ABCC9: variants seen among roughly 807,000 people sequenced by gnomAD.
ABCC9 encodes ATP-binding cassette sub-family C member 9.
In ABCC9, 95 loss-of-function variants were observed where a neutral mutation model predicts 188.3. The ratio of observed to expected loss-of-function variants is 0.50; its 90% CI spans 0.43 to 0.60. The LOEUF (loss-of-function observed/expected upper bound fraction) is 0.60, where lower values mean the gene tolerates loss of function less well. Ranked by LOEUF, ABCC9 falls within the 20% of genes least tolerant of loss-of-function variation. ABCC9 has a pLI of 0.00. For missense variants in ABCC9, 1,102 were observed against 1,876.3 expected (o/e 0.59, Z 7.62); for synonymous variants, 659 against 652.7 (o/e 1.01, Z -0.15).
chr12:21,913,269 A>G (rs188528761), intron 7 of ABCC9, among the ~76,000 whole-genome samples: 3 of 152,310 alleles, frequency 2.0e-5, no homozygotes, highest in South Asian at 2.1e-4. Flanking sequence ...TACTGAATGC[A>G]TTTTAATAAA....
In ABCC9 at chr12:21,895,302, T is replaced by C; in HGVS notation, c.1632A>G (p.Ala544=). 1.2e-6 allele frequency: 2 copies of C among 1,613,810 alleles called. No individual in the cohort carries two copies. The highest frequency in any genetic ancestry group is 1.7e-6 in the Non-Finnish European group (2 of 1,179,724). ...CAAGAACAGCTGCTATGGGAATTGCTGCATTCATGAAGACTGTGGAAAGAA... is the reference window on the plus strand; with the variant it reads ...CAAGAACAGCTGCTATGGGAATTGCCGCATTCATGAAGACTGTGGAAAGAA... ...LYTSLSIFMN[A]AIPIAAVLAT... is the part of the protein sequence containing the mutation. The change falls in exon 13 of 40, where the codon GCA becomes GCG. Residue 544 remains alanine (A), a synonymous_variant. Transcript: ENST00000261200.
In ABCC9 at chr12:21,888,086, C is replaced by G. The variant is rs547910865; in HGVS notation, c.1803-152G>C. On this transcript the variant is annotated intron_variant, in intron 14 of 39. Transcript: ENST00000261200. ...AGACCAACTGGGAATTCAGCTAGAT[C>G]GACCAAACATCCTAAATTGCTGAGG... The G allele has an allele frequency of 4.7e-5, 32 of 674,084 alleles. No individual in the cohort carries two copies. In the African/African-American group the frequency reaches 5.5e-4, roughly 12 times the overall value. 41.8% of individuals were successfully genotyped at this position (674,084 alleles called of 1,614,324 possible).
chr12:21,818,530 G>T (rs1022894262), intron 31 of ABCC9, among the ~76,000 whole-genome samples: 1 of 92,914 alleles, frequency 1.1e-5, no homozygotes, highest in Non-Finnish European at 2.4e-5. Flanking sequence ...ATATATATGT[G>T]TGTGTGTGTG....
In ABCC9 at chr12:21,800,296, A is replaced by G. The variant is rs2137076957; in HGVS notation, c.*748T>C. 1 of 152,340 alleles carries G rather than the reference A, an allele frequency of 6.6e-6. No homozygotes were observed. The highest frequency in any genetic ancestry group is 3.4e-3 in the Middle Eastern group (1 of 294). The allele number at this position is 152,340 out of a possible 1,614,324, so 9.4% of individuals were successfully genotyped here. A position where few individuals can be genotyped will look rare whatever the true frequency, so the allele number is the denominator to read the frequency against. ...AAAGTTTAGCTGGCCTGCCACTGAA[A>G]GATTGAACCTAATCATTCTTTGAAC... On this transcript the variant is annotated 3_prime_UTR_variant, in exon 40 of 40. Transcript: ENST00000261200.
chr12:21,809,472 TA>T lies in ABCC9; in HGVS notation c.4315+379del. 3.9e-5 allele frequency among the ~76,000 whole-genome samples: 6 copies of T among 152,304 alleles called. 1 individual carries two copies. The highest frequency in any genetic ancestry group is 3.9e-4 in the Admixed American group (6 of 15,284). ...CTTTCCCTAAGTGGTGCCAAAGACT[TA>T]AACCTAACAGCTCCTGCAATCCTTC... On this transcript the variant is annotated intron_variant, in intron 37 of 39. Transcript: ENST00000261200.
chr12:21,857,653 C>G (rs1441154007), intron 22 of ABCC9, among the ~76,000 whole-genome samples: 2 of 152,086 alleles, frequency 1.3e-5, no homozygotes, highest in African/African-American at 4.8e-5. Flanking sequence ...AGAAAACTTT[C>G]CCGGCTGTGA....
At chr12:21,913,797 T>TA (rs1948425913) in intron 7 of ABCC9, among the ~76,000 whole-genome samples, 1 of 152,164 alleles carries the variant, frequency 6.6e-6, no homozygotes, top group African/African-American at 2.4e-5. Flanking sequence ...AGGAGGTAGA[T>TA]AAAGTTTTTT....
intron 31 of ABCC9, among the ~76,000 whole-genome samples, chr12:21,825,595 A>G (rs1943325794): frequency 6.6e-6 from 1 of 150,978 alleles, no homozygotes; most frequent in South Asian, 2.1e-4. Context: ...TTAGACAATG[A>G]GAACACATGG....
intron 12 of ABCC9, among the ~76,000 whole-genome samples, chr12:21,902,495 A>C (rs577669548): frequency 4.6e-5 from 7 of 152,076 alleles, no homozygotes; most frequent in Non-Finnish European, 8.8e-5. Flanking sequence ...TTCAAAAAAT[A>C]AATGAATCCA....
chr12:21,908,013 A>G (rs919444459), intron 11 of ABCC9, 64 bp downstream of exon 11: 21 of 1,525,454 alleles, frequency 1.4e-5, no homozygotes, highest in Non-Finnish European at 1.9e-5. Context: ...TTAATTTCCT[A>G]TATTATAAAA....
In ABCC9 at chr12:21,861,168, T is replaced by A. The variant is rs1033352530; in HGVS notation, c.2340-113A>T. 11 of 831,532 alleles carry A rather than the reference T, an allele frequency of 1.3e-5. No homozygotes were observed. In the African/African-American group the frequency reaches 1.5e-4, roughly 11 times the overall value. 51.5% of individuals were successfully genotyped at this position (831,532 alleles called of 1,614,324 possible). A position where few individuals can be genotyped will look rare whatever the true frequency, so the allele number is the denominator to read the frequency against. On this transcript the variant is annotated intron_variant, in intron 20 of 39. Coordinates refer to ENST00000261200, the MANE Select transcript of ABCC9 (RefSeq NM_020297.4). ...AATAAAACATTTGCTGAATCACTTA[T>A]TATATGCCAGCCTCTGCTCTACATT...
rs767755085 is a variant in ABCC9, at chr12:21,797,600, A to G, written c.*3444T>C. 6.6e-6 allele frequency: 1 copy of G among 152,190 alleles called. No homozygotes were observed. Among genetic ancestry groups the G allele is most frequent in the African/African-American group, 2.4e-5 (1 of 41,466 alleles). The allele number at this position is 152,190 out of a possible 1,614,324, so 9.4% of individuals were successfully genotyped here. Reference sequence around the variant, plus strand: ...ACTAATCAGTGAATCAATCAACCCTACTGTGGGTTAGGCACTTGTATTAAA... The same window carrying G: ...ACTAATCAGTGAATCAATCAACCCTGCTGTGGGTTAGGCACTTGTATTAAA... On this transcript the variant is annotated 3_prime_UTR_variant, in exon 40 of 40. Coordinates refer to ENST00000261200, the MANE Select transcript of ABCC9 (RefSeq NM_020297.4).
In ABCC9 at chr12:21,820,015, GTTC is replaced by G. The variant is rs567327923; in HGVS notation, c.3670-1767_3670-1765del. Among the ~76,000 whole-genome samples, 16 of 152,192 alleles carry G rather than the reference GTTC, an allele frequency of 1.1e-4. 2 individuals are homozygous for G. In the South Asian group the frequency reaches 3.3e-3, roughly 32 times the overall value. On this transcript the variant is annotated intron_variant, in intron 31 of 39. Transcript: ENST00000261200. ...ATGCAGAGAATAACCAGTCTGGGCT[GTTC>G]TTCTGCAGTTTATACATGCCAAAGT...
At chr12:21,858,599 A>G (rs1331060082) in intron 22 of ABCC9, among the ~76,000 whole-genome samples, 1 of 151,776 alleles carries the variant, frequency 6.6e-6, no homozygotes, top group Admixed American at 6.6e-5. Flanking sequence ...AAAAATCTAC[A>G]ATTACATAGG....
At chr12:21,907,258 C>T (rs1477116473) in intron 11 of ABCC9, among the ~76,000 whole-genome samples, 2 of 151,986 alleles carry the variant, frequency 1.3e-5, no homozygotes, top group Non-Finnish European at 2.9e-5. Flanking sequence ...AAAAGGATAG[C>T]TGGCTCAGAC....
chr12:21,854,368 A>G (rs1312318291), intron 22 of ABCC9, among the ~76,000 whole-genome samples: 2 of 152,240 alleles, frequency 1.3e-5, no homozygotes, highest in East Asian at 1.9e-4. Context: ...AGAAATATTA[A>G]CAAAGCATTT....
At chr12:21,878,674 A>T (rs1321894679) in intron 16 of ABCC9, among the ~76,000 whole-genome samples, 1 of 152,240 alleles carries the variant, frequency 6.6e-6, no homozygotes, top group Non-Finnish European at 1.5e-5. Flanking sequence ...CAGGTAGAAA[A>T]TACCATAGCT....
At chr12:21,903,663 G>C (rs1947884688) in intron 12 of ABCC9, among the ~76,000 whole-genome samples, 1 of 152,134 alleles carries the variant, frequency 6.6e-6, no homozygotes, top group Non-Finnish European at 1.5e-5. Flanking sequence ...CAAATCATGA[G>C]TGAACTCCCA....
At chr12:21,857,299 A>T (rs1240666959) in intron 22 of ABCC9, among the ~76,000 whole-genome samples, 1 of 152,204 alleles carries the variant, frequency 6.6e-6, no homozygotes, top group Non-Finnish European at 1.5e-5. Flanking sequence ...TGAAAATACT[A>T]TGCTTGCTTG....
Sources: gnomAD v4.1 joint callset for allele counts (sites outside exome capture counted in the v4.1 genomes callset) on GRCh38, gnomAD v4.1.1 for gene constraint, MANE v1.5 for transcripts, NCBI Gene and HGNC (gene_info 2026-07-23, HGNC 2026-07-21) for gene names.